The following RAB38 variants were observed in gnomAD, a reference collection of about 807,000 sequenced individuals.
The protein encoded by RAB38 is ras-related protein Rab-38.
A neutral mutation model predicts 18.4 loss-of-function variants in RAB38; 15 were observed. That is an observed-to-expected ratio of 0.82 (90% CI 0.55 to 1.26). The LOEUF (loss-of-function observed/expected upper bound fraction) is 1.26. Among genes scored for constraint, RAB38 ranks in the 50% most tolerant of loss-of-function variants. The pLI, the probability that RAB38 is intolerant of heterozygous loss-of-function variation, is 0.00. For synonymous variants in RAB38, 101 were observed against 104.4 expected (o/e 0.97, Z 0.20); for missense variants, 294 against 267.4 (o/e 1.10, Z -0.69).
chr11:88,004,031 T>TTA, the RAB38 span, among the ~76,000 whole-genome samples: 3 of 139,608 alleles, frequency 2.1e-5, no homozygotes, highest in South Asian at 2.2e-4. Flanking sequence ...CTCTTCTATT[T>TTA]TATATATATA....
At chr11:87,931,854 C>T in the RAB38 span, among the ~76,000 whole-genome samples, 1 of 151,664 alleles carries the variant, frequency 6.6e-6, no homozygotes, top group African/African-American at 2.4e-5. Context: ...TGTTCTCTGA[C>T]TAACGAAGCA....
At chr11:88,162,771 A>C (rs1943201965) in intron 1 of RAB38, among the ~76,000 whole-genome samples, 1 of 151,932 alleles carries the variant, frequency 6.6e-6, no homozygotes, top group Non-Finnish European at 1.5e-5. Flanking sequence ...CTGAGGTCGC[A>C]CTCTTAGATC....
chr11:88,027,497 C>G, the RAB38 span, among the ~76,000 whole-genome samples: 10,985 of 152,148 alleles, frequency 0.072, 648 homozygotes, highest in African/African-American at 0.14. Flanking sequence ...ACGGCACCTG[C>G]AAAATTGGGT....
the RAB38 span, among the ~76,000 whole-genome samples, chr11:87,939,093 C>T: frequency 6.6e-6 from 1 of 152,008 alleles, no homozygotes; most frequent in Admixed American, 6.6e-5. Flanking sequence ...GTATTTGTCA[C>T]TCAGTTCCCA....
At chr11:87,804,055 C>G in the RAB38 span, among the ~76,000 whole-genome samples, 2 of 152,192 alleles carry the variant, frequency 1.3e-5, no homozygotes, top group Admixed American at 6.6e-5. Flanking sequence ...GTGACCAAAA[C>G]CGTGATTTTA....
At chr11:87,876,844 G>A in the RAB38 span, among the ~76,000 whole-genome samples, 27 of 151,420 alleles carry the variant, frequency 1.8e-4, no homozygotes, top group Admixed American at 7.3e-4. Flanking sequence ...CAGTGATACC[G>A]GGCACAATTT....
the RAB38 span, among the ~76,000 whole-genome samples, chr11:87,808,274 T>G: frequency 6.6e-6 from 1 of 152,168 alleles, no homozygotes; most frequent in Non-Finnish European, 1.5e-5. Flanking sequence ...TAGTGCAGTG[T>G]TTTTCACAAT....
chr11:87,893,333 T>TA, the RAB38 span, among the ~76,000 whole-genome samples: 1 of 134,638 alleles, frequency 7.4e-6, no homozygotes, highest in Non-Finnish European at 1.6e-5. Context: ...CATATATATA[T>TA]TTTACACACA....
the RAB38 span, among the ~76,000 whole-genome samples, chr11:88,036,328 G>A: frequency 6.6e-6 from 1 of 152,122 alleles, no homozygotes. Context: ...CAAGATCTGG[G>A]GAAAAAGTAT....
chr11:87,940,600 A>G, the RAB38 span, among the ~76,000 whole-genome samples: 1 of 152,062 alleles, frequency 6.6e-6, no homozygotes, highest in Non-Finnish European at 1.5e-5. Flanking sequence ...ATATATCTAT[A>G]TCTATATATA....
At chr11:88,036,585 A>G in the RAB38 span, among the ~76,000 whole-genome samples, 11 of 152,212 alleles carry the variant, frequency 7.2e-5, no homozygotes, top group African/African-American at 2.6e-4. Context: ...TTTTTCTTAG[A>G]ACATTTTATT....
At chr11:87,846,479 A>C in the RAB38 span, among the ~76,000 whole-genome samples, 1 of 152,110 alleles carries the variant, frequency 6.6e-6, no homozygotes, top group African/African-American at 2.4e-5. Context: ...AAGCTTTAAG[A>C]AAAGTAAGAT....
At chr11:87,837,267 T>A in the RAB38 span, among the ~76,000 whole-genome samples, 3 of 152,178 alleles carry the variant, frequency 2.0e-5, no homozygotes, top group Non-Finnish European at 4.4e-5. Flanking sequence ...AGCACATATA[T>A]GTTGTTTAAA....
At chr11:88,016,355 C>G in the RAB38 span, among the ~76,000 whole-genome samples, 4 of 152,166 alleles carry the variant, frequency 2.6e-5, no homozygotes, top group East Asian at 3.9e-4. Context: ...GACTTATATT[C>G]TCAATAATGT....
the RAB38 span, among the ~76,000 whole-genome samples, chr11:87,977,748 AATAT>A: frequency 2.8e-5 from 2 of 72,230 alleles, no homozygotes; most frequent in African/African-American, 1.2e-4. Context: ...TATATTCTAT[AATAT>A]ATATATATTA....
At chr11:87,895,425 C>T in the RAB38 span, among the ~76,000 whole-genome samples, 1 of 151,602 alleles carries the variant, frequency 6.6e-6, no homozygotes, top group Non-Finnish European at 1.5e-5. Flanking sequence ...CTCCTTAAGC[C>T]TTTGCTTTGG....
At chr11:88,125,552 G>A (rs1942684699) in intron 2 of RAB38, among the ~76,000 whole-genome samples, 2 of 152,072 alleles carry the variant, frequency 1.3e-5, no homozygotes, top group African/African-American at 4.8e-5. Context: ...GAAGGGAAAA[G>A]GTGCCATAGA....
At chr11:87,910,241 A>C in the RAB38 span, among the ~76,000 whole-genome samples, 3 of 152,054 alleles carry the variant, frequency 2.0e-5, no homozygotes, top group Non-Finnish European at 4.4e-5. Context: ...TTTTCATATG[A>C]TGAATCCACC....
the RAB38 span, among the ~76,000 whole-genome samples, chr11:87,968,618 C>T: frequency 1.3e-5 from 2 of 152,132 alleles, no homozygotes; most frequent in Admixed American, 6.6e-5. Context: ...AAGGAGCTTG[C>T]ACGACAGTGG....
Sources: gnomAD v4.1 joint callset for allele counts (sites outside exome capture counted in the v4.1 genomes callset) on GRCh38, gnomAD v4.1.1 for gene constraint, MANE v1.5 for transcripts, NCBI Gene and HGNC (gene_info 2026-07-23, HGNC 2026-07-21) for gene names.